The following ZNF71 variants were observed in gnomAD, a reference collection of about 807,000 sequenced individuals.
ZNF71 encodes zinc finger protein 71.
In ZNF71, 3 loss-of-function variants were observed where a neutral mutation model predicts 6.7. The ratio of observed to expected loss-of-function variants is 0.45; its 90% CI spans 0.20 to 1.16. ZNF71 has a LOEUF of 1.16. Ranked by LOEUF, ZNF71 falls within the 50% of genes most tolerant of loss-of-function variation. ZNF71 has a pLI of 0.25. For missense variants in ZNF71, 688 were observed against 728.6 expected, an observed-to-expected ratio of 0.94 and a Z score of 0.64; for synonymous variants, 343 against 311.1, an observed-to-expected ratio of 1.10 and a Z score of -1.08.
At chr19:56,597,647 G>A (rs747016309) in intron 1 of ZNF71, among the ~76,000 whole-genome samples, 5 of 152,240 alleles carry the variant, frequency 3.3e-5, no homozygotes, top group Admixed American at 1.3e-4. Context: ...TCGCAGAGGC[G>A]ACCTGATACT....
intron 2 of ZNF71, among the ~76,000 whole-genome samples, chr19:56,605,518 C>G (rs2044703992): frequency 6.6e-6 from 1 of 152,208 alleles, no homozygotes; most frequent in African/African-American, 2.4e-5. Context: ...GCCCATCAAC[C>G]CCAAAATAGT....
At chr19:56,601,296 C>T (rs956384997) in intron 1 of ZNF71, among the ~76,000 whole-genome samples, 2 of 152,084 alleles carry the variant, frequency 1.3e-5, no homozygotes, top group African/African-American at 4.8e-5. Context: ...TAGTACCTAC[C>T]TTCCAGGATG....
chr19:56,622,706 G>T lies in ZNF71; in HGVS notation c.1599G>T (p.Lys533Asn). ...EKPYRCGECG[K>N]TFSRNTNLTR... ...CCTACCGATGCGGCGAGTGCGGGAAGACCTTCAGCCGCAACACGAACCTGA... is the reference window on the plus strand; with the variant it reads ...CCTACCGATGCGGCGAGTGCGGGAATACCTTCAGCCGCAACACGAACCTGA... The change falls in exon 4 of 4, where the codon AAG becomes AAT. Residue 533 changes from lysine (K) to asparagine (N), a missense_variant. Coordinates refer to ENST00000599599, the MANE Select transcript of ZNF71 (RefSeq NM_001370215.1). 6.2e-7 allele frequency: 1 copy of T among 1,613,286 alleles called. No homozygotes were observed. The highest frequency in any genetic ancestry group is 8.5e-7 in the Non-Finnish European group (1 of 1,179,424).
chr19:56,600,107 T>C (rs1046765943), intron 1 of ZNF71, among the ~76,000 whole-genome samples: 3 of 147,854 alleles, frequency 2.0e-5, no homozygotes, highest in Admixed American at 2.0e-4. Flanking sequence ...TTTTTTTTTT[T>C]TTTTTTTGAG....
rs756127762 is a variant in ZNF71, at chr19:56,621,810, A to G, written c.703A>G (p.Ile235Val). ...CTTCATCGAGCGCTCGTCCCTCACC[A>G]TCCACCAGCGGGTGCACACGGGCGA... ...KHFIERSSLT[I>V]HQRVHTGEKP... The change falls in exon 4 of 4, where the codon ATC (isoleucine) becomes GTC (valine). Residue 235 changes from isoleucine to valine, a missense_variant. Coordinates refer to ENST00000599599, the MANE Select transcript of ZNF71 (RefSeq NM_001370215.1). The G allele has an allele frequency of 6.2e-7, 1 of 1,613,890 alleles. No individual in the cohort carries two copies.
In ZNF71 at chr19:56,622,472, G is replaced by T; in HGVS notation, c.1365G>T (p.Ser455=). ...YICKKHFTGR[S]SLIVHQIVHT... Reference sequence around the variant, plus strand: ...GCAAGAAGCACTTCACGGGGCGCTCGTCCCTCATCGTGCACCAGATCGTGC... The same window carrying T: ...GCAAGAAGCACTTCACGGGGCGCTCTTCCCTCATCGTGCACCAGATCGTGC... The change falls in exon 4 of 4, where the codon TCG becomes TCT. Residue 455 remains serine (S), a synonymous_variant. Transcript: ENST00000599599. 6.2e-7 allele frequency: 1 copy of T among 1,603,052 alleles called. No individual in the cohort carries two copies. Among genetic ancestry groups the T allele is most frequent in the Non-Finnish European group, 8.5e-7 (1 of 1,175,674 alleles).
chr19:56,600,878 G>C (rs549209150), intron 1 of ZNF71, among the ~76,000 whole-genome samples: 6 of 152,150 alleles, frequency 3.9e-5, no homozygotes, highest in Admixed American at 3.9e-4. Flanking sequence ...CTGGCTCTGA[G>C]AGCCCCTGGG....
chr19:56,616,545 G>T (rs2044792759), intron 3 of ZNF71, among the ~76,000 whole-genome samples: 1 of 152,230 alleles, frequency 6.6e-6, no homozygotes, highest in Admixed American at 6.5e-5. Context: ...GTAGGAAAAG[G>T]CACTGTTCCC....
intron 2 of ZNF71, among the ~76,000 whole-genome samples, chr19:56,601,810 C>T (rs3752183): frequency 0.53 from 80,914 of 151,838 alleles, 22,451 homozygotes; most frequent in South Asian, 0.72. Context: ...GCTCTCTGGA[C>T]TCTTAGGAGA....
intron 2 of ZNF71, among the ~76,000 whole-genome samples, chr19:56,608,399 C>T (rs930399805): frequency 1.3e-5 from 2 of 152,082 alleles, no homozygotes; most frequent in African/African-American, 2.4e-5. Flanking sequence ...TGGCTTATTT[C>T]GCTGAGCATA....
chr19:56,622,976 C>G lies in ZNF71; in HGVS notation c.*219C>G, dbSNP rs1297233408. On this transcript the variant is annotated 3_prime_UTR_variant, in exon 4 of 4. Coordinates refer to ENST00000599599, the MANE Select transcript of ZNF71 (RefSeq NM_001370215.1). ...CCTCGGTGTCTGACGTATCTGGGGA[C>G]ACTTCAAGGTTCACTGTAGCTGAGC... 1.6e-6 allele frequency: 1 copy of G among 635,608 alleles called. No individual in the cohort carries two copies. The highest frequency in any genetic ancestry group is 2.7e-6 in the Non-Finnish European group (1 of 363,780). The allele number at this position is 635,608 out of a possible 1,614,324, so 39.4% of individuals were successfully genotyped here. A position where few individuals can be genotyped will look rare whatever the true frequency, so the allele number is the denominator to read the frequency against.
At chr19:56,615,166 T>G (rs145489042) in intron 3 of ZNF71, among the ~76,000 whole-genome samples, 1 of 152,238 alleles carries the variant, frequency 6.6e-6, no homozygotes, top group Non-Finnish European at 1.5e-5. Flanking sequence ...TCATTTCCAG[T>G]TCTGGGCTAT....
intron 3 of ZNF71, among the ~76,000 whole-genome samples, chr19:56,614,171 C>G (rs536763091): frequency 6.6e-6 from 1 of 152,252 alleles, no homozygotes; most frequent in Non-Finnish European, 1.5e-5. Context: ...AAGAAAAAGA[C>G]TAAGCGAATA....
rs996345563 is a variant in ZNF71 at position 56,613,653 on chromosome 19, G to T, written c.34-159G>T. Among the ~76,000 whole-genome samples the T allele has an allele frequency of 3.9e-5, 6 of 152,218 alleles. No individual in the cohort carries two copies. Among genetic ancestry groups the T allele is most frequent in the African/African-American group, 1.4e-4 (6 of 41,456 alleles). The stretch of plus-strand genomic sequence containing the variant: ...CCAACCCAATATAACTAGACACAGA[G>T]AAAACTGTGAGTGATCCCTTTAGAA... On this transcript the variant is annotated intron_variant, in intron 2 of 3. Coordinates refer to ENST00000599599, the MANE Select transcript of ZNF71 (RefSeq NM_001370215.1). This position sits in a 1 kb window ranked among gnomAD's most constrained non-coding sequence, Gnocchi z 4.6.
intron 3 of ZNF71, 87 bp downstream of exon 3, chr19:56,614,025 T>C (rs1349038586): frequency 2.0e-6 from 2 of 998,234 alleles, no homozygotes; most frequent in East Asian, 9.7e-5. Context: ...GATCAACAGA[T>C]CTGACTACAT....
At position 56,621,875 on chromosome 19, in the gene ZNF71, C is replaced by G. The variant is rs1440423369; in HGVS notation, c.768C>G (p.Ser256Arg). ...YACGDCGKAF[S>R]QRMNLTVHQR... is the part of the protein sequence containing the mutation. ...GCGGGGACTGCGGCAAGGCCTTCAGCCAGCGCATGAACCTCACTGTGCACC... is the reference window on the plus strand; with the variant it reads ...GCGGGGACTGCGGCAAGGCCTTCAGGCAGCGCATGAACCTCACTGTGCACC... The change falls in exon 4 of 4, where the codon AGC becomes AGG. Residue 256 changes from serine (S) to arginine (R), a missense_variant. Transcript: ENST00000599599. 1 of 1,612,014 alleles carries G rather than the reference C, an allele frequency of 6.2e-7. No homozygotes were observed. Among genetic ancestry groups the G allele is most frequent in the Admixed American group, 1.7e-5 (1 of 60,018 alleles).
intron 2 of ZNF71, 48 bp downstream of exon 2, chr19:56,601,639 C>A (rs2044671503): frequency 5.1e-6 from 5 of 983,776 alleles, no homozygotes; most frequent in Non-Finnish European, 6.0e-6. Context: ...CTGGATCCTG[C>A]CTTGGGTGAG....
chr19:56,611,056 C>T (rs1164436181), intron 2 of ZNF71, among the ~76,000 whole-genome samples: 1 of 152,106 alleles, frequency 6.6e-6, no homozygotes, highest in Non-Finnish European at 1.5e-5. Flanking sequence ...AGATTCTGTC[C>T]CTCTCCTGCT....
Position 56,622,109 on chromosome 19 carries a change from G to A in ZNF71, c.1002G>A (p.Glu334=). The A allele has an allele frequency of 6.2e-7, 1 of 1,610,644 alleles. No individual in the cohort carries two copies. The highest frequency in any genetic ancestry group is 1.7e-5 in the Admixed American group (1 of 59,828). Residue 334 remains glutamate, a synonymous_variant, in exon 4 of 4, where the codon GAG becomes GAA. Transcript: ENST00000599599. ...GGGAGAAGCCGTACGTGTGCCCCGA[G>A]TGCGGGCGAGCCTTCAGCCAGAACA... ...HTGEKPYVCP[E]CGRAFSQNMH...
Sources: gnomAD v4.1 joint callset for allele counts (sites outside exome capture counted in the v4.1 genomes callset) on GRCh38, gnomAD v4.1.1 for gene constraint, Gnocchi (gnomAD v3.1) non-coding constraint, MANE v1.5 for transcripts, NCBI Gene and HGNC (gene_info 2026-07-23, HGNC 2026-07-21) for gene names.